Variants in GALNT17 observed in about 807,000 individuals in gnomAD.
GALNT17 encodes UDP-GalNAc:polypeptide N-acetylgalactosaminyltransferase-like 3.
A neutral mutation model predicts 63.7 loss-of-function variants in GALNT17; 29 were observed. The ratio of observed to expected loss-of-function variants is 0.46; its 90% CI spans 0.34 to 0.62. The LOEUF (loss-of-function observed/expected upper bound fraction) is 0.62, where lower values mean the gene tolerates loss of function less well. Ranked by LOEUF, GALNT17 falls within the 20% of genes least tolerant of loss-of-function variation. The pLI, the probability that GALNT17 is intolerant of heterozygous loss-of-function variation, is 0.01. For synonymous variants in GALNT17, 305 were observed against 318.3 expected (o/e 0.96, Z 0.45); for missense variants, 603 against 799.6 (o/e 0.75, Z 2.97).
intron 3 of GALNT17, among the ~76,000 whole-genome samples, chr7:71,414,913 A>G (rs1177956557): frequency 6.6e-6 from 1 of 152,194 alleles, no homozygotes; most frequent in Admixed American, 6.5e-5. Flanking sequence ...CAAGTATCTA[A>G]GAATCCCCTC....
chr7:71,462,903 AC>A (rs1787474919), intron 5 of GALNT17, among the ~76,000 whole-genome samples: 1 of 152,170 alleles, frequency 6.6e-6, no homozygotes, highest in Admixed American at 6.5e-5. Context: ...TTTTCCTTTC[AC>A]ATGGCTGTAA....
intron 5 of GALNT17, among the ~76,000 whole-genome samples, chr7:71,429,748 C>T (rs1786825531): frequency 6.6e-6 from 1 of 152,146 alleles, no homozygotes; most frequent in Non-Finnish European, 1.5e-5. Flanking sequence ...ACTCTGTCTC[C>T]CAGGCTGGAG....
chr7:71,695,422 C>T (rs1231595927), intron 9 of GALNT17, among the ~76,000 whole-genome samples: 1 of 152,086 alleles, frequency 6.6e-6, no homozygotes, highest in Non-Finnish European at 1.5e-5. Flanking sequence ...GAGGAAGGGC[C>T]CTTGGGACCA....
intron 1 of GALNT17, among the ~76,000 whole-genome samples, chr7:71,135,267 T>A (rs1787762366): frequency 6.6e-6 from 1 of 152,204 alleles, no homozygotes; most frequent in African/African-American, 2.4e-5. Context: ...GTGTGCCAGA[T>A]GTGTGCAGAG....
rs1304347091 is a variant in GALNT17, at chr7:71,693,305, CACACAT to C, written c.1500+16001_1500+16006del. Among the ~76,000 whole-genome samples, 15 of 126,074 alleles carry C rather than the reference CACACAT, an allele frequency of 1.2e-4. 2 individuals carry two copies. In the East Asian group the frequency reaches 3.9e-3, roughly 33 times the overall value. 82.7% of individuals were successfully genotyped at this position (126,074 alleles called of 152,430 possible). A position where few individuals can be genotyped will look rare whatever the true frequency, so the allele number is the denominator to read the frequency against. ...ACACACACACACACACACACACACA[CACACAT>C]ATATATATATGGAGACAAGACCAAA... On this transcript the variant is annotated intron_variant, in intron 9 of 10. Coordinates refer to ENST00000333538, the MANE Select transcript of GALNT17 (RefSeq NM_022479.3).
At chr7:71,496,558 C>T (rs1201700066) in intron 5 of GALNT17, among the ~76,000 whole-genome samples, 1 of 152,172 alleles carries the variant, frequency 6.6e-6, no homozygotes, top group Non-Finnish European at 1.5e-5. Flanking sequence ...TCCTTTCCAC[C>T]TGCCCTCCTT....
intron 5 of GALNT17, among the ~76,000 whole-genome samples, chr7:71,543,725 G>A (rs1248236671): frequency 2.0e-5 from 3 of 150,168 alleles, no homozygotes; most frequent in Non-Finnish European, 4.4e-5. Context: ...CTTATCTGCT[G>A]TCCTGCAAAC....
chr7:71,654,473 T>C (rs567792198), intron 6 of GALNT17, among the ~76,000 whole-genome samples: 1 of 152,346 alleles, frequency 6.6e-6, no homozygotes, highest in Admixed American at 6.5e-5. Flanking sequence ...CCAATGTTCC[T>C]GTAAACCTTT....
Position 71,618,153 on chromosome 7 carries a change from A to T in GALNT17, c.1080+46751A>T, listed in dbSNP as rs185006574. On this transcript the variant is annotated intron_variant, in intron 6 of 10. Transcript: ENST00000333538. ...ATGTTGCTGCAAAGGACATAATTTC[A>T]TTTGTTTTATGGCTGCCTAGTGTTC... Among the ~76,000 whole-genome samples the T allele has an allele frequency of 1.8e-3, 269 of 152,246 alleles. 1 individual carries two copies. Among genetic ancestry groups the T allele is most frequent in the African/African-American group, 6.2e-3 (256 of 41,554 alleles).
chr7:71,209,370 A>G (rs995723582), intron 1 of GALNT17, among the ~76,000 whole-genome samples: 1 of 152,182 alleles, frequency 6.6e-6, no homozygotes, highest in African/African-American at 2.4e-5. Context: ...GGCTCACATA[A>G]TCTTCACAAA....
intron 1 of GALNT17, among the ~76,000 whole-genome samples, chr7:71,198,706 G>A (rs1789103825): frequency 6.6e-6 from 1 of 152,220 alleles, no homozygotes; most frequent in Non-Finnish European, 1.5e-5. Context: ...GTTTCTGCAG[G>A]TGGTGTGGCC....
intron 6 of GALNT17, among the ~76,000 whole-genome samples, chr7:71,656,114 A>G (rs1173504033): frequency 6.6e-6 from 1 of 152,156 alleles, no homozygotes; most frequent in East Asian, 1.9e-4. Flanking sequence ...GTACTTACTT[A>G]TGTTCCAGGC....
At chr7:71,390,265 C>T (rs549841250) in intron 3 of GALNT17, among the ~76,000 whole-genome samples, 7 of 152,032 alleles carry the variant, frequency 4.6e-5, no homozygotes, top group African/African-American at 7.2e-5. Context: ...TGTTTAAAAC[C>T]GGATTATCTT....
chr7:71,597,949 C>CT (rs536969294), intron 6 of GALNT17, among the ~76,000 whole-genome samples: 2,870 of 145,282 alleles, frequency 0.02, 27 homozygotes, highest in Middle Eastern at 0.076. Flanking sequence ...CTTTCATTTC[C>CT]TTTTTTTTTT....
At chr7:71,210,216 G>T (rs1279719844) in intron 1 of GALNT17, among the ~76,000 whole-genome samples, 1 of 152,142 alleles carries the variant, frequency 6.6e-6, no homozygotes, top group African/African-American at 2.4e-5. Flanking sequence ...CACAAGAATA[G>T]CATGGGAAAG....
chr7:71,276,280 C>G (rs964978883), intron 1 of GALNT17, among the ~76,000 whole-genome samples: 1 of 152,160 alleles, frequency 6.6e-6, no homozygotes, highest in African/African-American at 2.4e-5. Flanking sequence ...GCTGAACATA[C>G]AACTGCCATT....
At chr7:71,224,105 AGAGCAGTG>A (rs1246174295) in intron 1 of GALNT17, among the ~76,000 whole-genome samples, 1 of 152,136 alleles carries the variant, frequency 6.6e-6, no homozygotes, top group African/African-American at 2.4e-5. Flanking sequence ...CCCAGGCTGG[AGAGCAGTG>A]GTGCGATCTC....
chr7:71,297,123 A>G (rs1466610174), intron 1 of GALNT17, among the ~76,000 whole-genome samples: 2 of 152,196 alleles, frequency 1.3e-5, no homozygotes, highest in Non-Finnish European at 2.9e-5. Flanking sequence ...TAAGCAAGAA[A>G]ACAACTCTCC....
At chr7:71,391,485 G>C (rs1349784020) in intron 3 of GALNT17, among the ~76,000 whole-genome samples, 1 of 152,014 alleles carries the variant, frequency 6.6e-6, no homozygotes, top group East Asian at 1.9e-4. Flanking sequence ...TTGACAGATT[G>C]ATTGATTGAT....
Sources: gnomAD v4.1 joint callset for allele counts (sites outside exome capture counted in the v4.1 genomes callset) on GRCh38, gnomAD v4.1.1 for gene constraint, MANE v1.5 for transcripts, NCBI Gene and HGNC (gene_info 2026-07-23, HGNC 2026-07-21) for gene names.